SLC12A7: variants seen among roughly 807,000 people sequenced by gnomAD.
SLC12A7 encodes the protein K-Cl cotransporter 4.
Under a neutral mutation model 120.6 loss-of-function variants are expected in SLC12A7, and 100 were observed. The ratio of observed to expected loss-of-function variants is 0.83; its 90% CI spans 0.71 to 0.98. SLC12A7 has a LOEUF of 0.98. SLC12A7 is among the 50% of genes least tolerant of loss of function. The pLI, the probability that SLC12A7 is intolerant of heterozygous loss-of-function variation, is 0.00. For missense variants in SLC12A7, 1,373 were observed against 1,548.1 expected (o/e 0.89, Z 1.90); for synonymous variants, 760 against 678.0 (o/e 1.12, Z -1.88).
chr5:1,053,500 AC>A lies in SLC12A7; in HGVS notation c.3027-19del. The A allele has an allele frequency of 6.2e-7, 1 of 1,611,736 alleles. No homozygotes were observed. ...ACTGGTCCCTGCAGGGGAGGTGGGC[AC>A]GGTCAGCGGGCGGCGGGTGCACCCC... is the stretch of plus-strand genomic sequence containing the variant. On this transcript the variant is annotated intron_variant, in intron 22 of 23. Coordinates refer to ENST00000264930, the MANE Select transcript of SLC12A7 (RefSeq NM_006598.3).
Position 1,086,908 on chromosome 5 carries a change from A to G in SLC12A7, c.670T>C (p.Phe224Leu). Residue 224 changes from phenylalanine (F) to leucine (L), a missense_variant, in exon 6 of 24, where the codon TTT (phenylalanine) becomes CTT (leucine). Transcript: ENST00000264930. ...TTCCAAAGCAGCACACTTACCAGAA[A>G]AATCTCGATGGTCCCCAAAATATAC... ...AMYILGTIEI[F>L]LTYISPGAAI... The G allele has an allele frequency of 6.2e-7, 1 of 1,612,606 alleles. No individual in the cohort carries two copies. The highest frequency in any genetic ancestry group is 8.5e-7 in the Non-Finnish European group (1 of 1,179,756).
chr5:1,073,910 G>C, intron 16 of SLC12A7, 109 bp from the exon 17 acceptor site: 1 of 1,100,280 alleles, frequency 9.1e-7, no homozygotes. Context: ...GGTGGGACGG[G>C]AGATACATGA....
intron 1 of SLC12A7, among the ~76,000 whole-genome samples, chr5:1,102,645 A>G (rs1742131250): frequency 6.6e-6 from 1 of 152,144 alleles, no homozygotes; most frequent in South Asian, 2.1e-4. Flanking sequence ...ACCTGTGCAC[A>G]CAGAGAGGCG....
chr5:1,062,674 T>C (rs994579672), intron 20 of SLC12A7, among the ~76,000 whole-genome samples: 5 of 22,942 alleles, frequency 2.2e-4, no homozygotes, highest in Admixed American at 1.6e-3. Context: ...TACCCAGGGC[T>C]GGGGGGCTGG....
chr5:1,139,255 G>T, the SLC12A7 span, among the ~76,000 whole-genome samples: 3 of 152,254 alleles, frequency 2.0e-5, no homozygotes, highest in African/African-American at 4.8e-5. Context: ...GGATCCTGGC[G>T]GGGGACCCTC....
chr5:1,084,725 G>A (rs893741233), intron 7 of SLC12A7, among the ~76,000 whole-genome samples: 4 of 152,158 alleles, frequency 2.6e-5, no homozygotes, highest in Admixed American at 6.5e-5. Flanking sequence ...CGGCAAAACC[G>A]CGGGAGCCTC....
At position 1,094,248 on chromosome 5, in the gene SLC12A7, C is replaced by T. The variant is rs369594375; in HGVS notation, c.125G>A (p.Gly42Glu). The change falls in exon 2 of 24, where the codon GGA becomes GAA. Residue 42 changes from glycine to glutamate, a missense_variant and splice_region_variant. Physicochemically the swap from Gly to Glu is moderately conservative, Grantham distance 98 (BLOSUM62 -2). Coordinates refer to ENST00000264930, the MANE Select transcript of SLC12A7 (RefSeq NM_006598.3). ...EGPEPERPSP[G>E]DGNPRENSPF... is the part of the protein sequence containing the mutation. ...GCTGTTTTCTCTTGGATTTCCATCT[C>T]CTAGTGAGGGAAAAACAATTCAGAG... The T allele has an allele frequency of 7.8e-5, 125 of 1,610,076 alleles. No homozygotes were observed. Among genetic ancestry groups the T allele is most frequent in the Non-Finnish European group, 9.9e-5 (116 of 1,176,822 alleles).
chr5:1,078,814 G>A, intron 10 of SLC12A7, 56 bp from the exon 11 acceptor site: 2 of 588,772 alleles, frequency 3.4e-6, no homozygotes, highest in Non-Finnish European at 6.1e-6. Flanking sequence ...TCAGGTACGG[G>A]GGGTGGGGTG....
rs922697224 is a variant in SLC12A7, at chr5:1,060,393, G to A, written c.2798C>T (p.Ser933Leu). Residue 933 changes from serine (S) to leucine (L), a missense_variant, in exon 21 of 24, where the codon TCG becomes TTG. Physicochemically the swap from Ser to Leu is moderately radical, Grantham distance 145. Transcript: ENST00000264930. ...YERTLMMEQR[S>L]QMLKQMQLSK... ...CAGCTGCATCTGCTTCAGCATCTGC[G>A]ACCTCTGCTCCATCATTAGTGTCCT... 5.6e-6 allele frequency: 9 copies of A among 1,613,618 alleles called. No individual in the cohort carries two copies. Among genetic ancestry groups the A allele is most frequent in the South Asian group, 2.2e-5 (2 of 91,088 alleles).
chr5:1,075,615 TG>T, intron 14 of SLC12A7, 125 bp from the exon 15 acceptor site: 1 of 1,368,810 alleles, frequency 7.3e-7, no homozygotes, highest in East Asian at 2.5e-5. Context: ...AAACAGTCAC[TG>T]ACGCCTGACG....
chr5:1,104,658 C>T (rs959791088), intron 1 of SLC12A7, among the ~76,000 whole-genome samples: 2 of 112,926 alleles, frequency 1.8e-5, no homozygotes, highest in East Asian at 4.8e-4. Flanking sequence ...CCACTCCCCA[C>T]AGAGCCGAGG....
At chr5:1,106,360 C>T (rs1013414297) in intron 1 of SLC12A7, among the ~76,000 whole-genome samples, 9 of 147,582 alleles carry the variant, frequency 6.1e-5, no homozygotes, top group African/African-American at 1.8e-4. Context: ...GGCTGAGGCA[C>T]GAGAATCGCT....
At chr5:1,103,600 C>T (rs1212580955) in intron 1 of SLC12A7, among the ~76,000 whole-genome samples, 2 of 152,254 alleles carry the variant, frequency 1.3e-5, no homozygotes, top group African/African-American at 2.4e-5. Flanking sequence ...CCTGTCCTCA[C>T]ATGTGCATAC....
the SLC12A7 span, among the ~76,000 whole-genome samples, chr5:1,142,244 G>A: frequency 2.8e-5 from 4 of 143,606 alleles, no homozygotes; most frequent in Non-Finnish European, 5.9e-5. Context: ...CCATAATCAG[G>A]AGGAAGAAAA....
At chr5:1,075,302 C>A in intron 15 of SLC12A7, 69 bp downstream of exon 15, 1 of 1,563,604 alleles carries the variant, frequency 6.4e-7, no homozygotes, top group Middle Eastern at 1.7e-4. Context: ...GGGAGCTGCC[C>A]CAGGCATAGC....
the SLC12A7 span, among the ~76,000 whole-genome samples, chr5:1,118,386 C>T: frequency 6.6e-6 from 1 of 152,214 alleles, no homozygotes; most frequent in South Asian, 2.1e-4. Flanking sequence ...ATAAGAAGAT[C>T]CCACACTGGG....
In SLC12A7 at chr5:1,109,306, C is replaced by T. The variant is rs545224106; in HGVS notation, c.124+2562G>A. ...TGTGGTCACGGAGGAAGGGTGGGCT[C>T]CCCCAAGTCAGTTACAAAACCCACT... On this transcript the variant is annotated intron_variant, in intron 1 of 23. Transcript: ENST00000264930. Among the ~76,000 whole-genome samples, 81 of 152,226 alleles carry T rather than the reference C, an allele frequency of 5.3e-4. 1 individual carries two copies. The highest frequency in any genetic ancestry group is 1.9e-3 in the African/African-American group (80 of 41,528).
At chr5:1,088,400 A>G (rs1231930930) in intron 4 of SLC12A7, 40 bp from the exon 5 acceptor site, 4 of 1,553,438 alleles carry the variant, frequency 2.6e-6, no homozygotes, top group Non-Finnish European at 3.5e-6. Context: ...GAGTTTTCCA[A>G]CAGCCTGCCG....
intron 1 of SLC12A7, among the ~76,000 whole-genome samples, chr5:1,105,788 GC>G (rs2150907332): frequency 6.6e-6 from 1 of 152,258 alleles, no homozygotes; most frequent in African/African-American, 2.4e-5. Flanking sequence ...TACCAGGAGG[GC>G]CCCCAGCCAG....
Sources: gnomAD v4.1 joint callset for allele counts (sites outside exome capture counted in the v4.1 genomes callset) on GRCh38, gnomAD v4.1.1 for gene constraint, MANE v1.5 for transcripts, NCBI Gene and HGNC (gene_info 2026-07-23, HGNC 2026-07-21) for gene names.